The following OLA1 variants were observed in gnomAD, a reference collection of about 807,000 sequenced individuals.
The protein encoded by OLA1 is obg-like ATPase 1.
A neutral mutation model predicts 48.4 loss-of-function variants in OLA1; 14 were observed. The observed-to-expected ratio is 0.29, with a 90% confidence interval of 0.19 to 0.45. The LOEUF (loss-of-function observed/expected upper bound fraction) is 0.45. OLA1 is among the 20% of genes least tolerant of loss of function. OLA1 has a pLI of 1.00. For synonymous variants in OLA1, 127 were observed against 150.4 expected, an observed-to-expected ratio of 0.84 and a Z score of 1.14; for missense variants, 325 against 467.1, an observed-to-expected ratio of 0.70 and a Z score of 2.80.
chr2:174,155,457 C>T (rs1457068033), intron 4 of OLA1, among the ~76,000 whole-genome samples: 1 of 152,150 alleles, frequency 6.6e-6, no homozygotes, highest in Admixed American at 6.5e-5. Context: ...GAAACTAGTG[C>T]TAAGCATATC....
chr2:174,091,812 C>T (rs953427958), intron 7 of OLA1, among the ~76,000 whole-genome samples: 2 of 120,494 alleles, frequency 1.7e-5, no homozygotes, highest in Non-Finnish European at 3.2e-5. Context: ...GGTGGAGTTG[C>T]AGTGAGCGGA....
intron 4 of OLA1, among the ~76,000 whole-genome samples, chr2:174,199,907 C>T (rs1169671721): frequency 6.6e-6 from 1 of 151,768 alleles, no homozygotes; most frequent in African/African-American, 2.4e-5. Flanking sequence ...CTTTATATAC[C>T]TCAGCCAAAA....
chr2:174,105,148 A>G (rs1437485152), intron 7 of OLA1, among the ~76,000 whole-genome samples: 6 of 151,966 alleles, frequency 3.9e-5, no homozygotes, highest in Admixed American at 3.9e-4. Context: ...ACTTTATAAC[A>G]GACAAGGTTT....
At chr2:174,141,342 T>A (rs1686441635) in intron 5 of OLA1, among the ~76,000 whole-genome samples, 1 of 152,274 alleles carries the variant, frequency 6.6e-6, no homozygotes, top group Non-Finnish European at 1.5e-5. Flanking sequence ...TTCATTATAA[T>A]GTGATAGAAA....
chr2:174,081,218 A>G lies in OLA1; in HGVS notation c.900T>C (p.Phe300=). 6.2e-7 allele frequency: 1 copy of G among 1,611,258 alleles called. No individual in the cohort carries two copies. The highest frequency in any genetic ancestry group is 1.1e-5 in the South Asian group (1 of 90,978). Residue 300 remains phenylalanine, a synonymous_variant, in exon 9 of 11, where the codon TTT becomes TTC. Coordinates refer to ENST00000284719, the MANE Select transcript of OLA1 (RefSeq NM_013341.5). ...AAAAGTATTCTAGTTGGAGTGCTGC[A>G]AACCCAGCCTTAATGATCTTTGGCA... ...SALPKIIKAG[F]AALQLEYFFT...
intron 7 of OLA1, among the ~76,000 whole-genome samples, chr2:174,091,755 T>G (rs1011154403): frequency 6.6e-6 from 1 of 151,028 alleles, no homozygotes; most frequent in African/African-American, 2.4e-5. Flanking sequence ...GCACCTGTAG[T>G]CCCAGCTACT....
intron 4 of OLA1, 104 bp from the exon 5 acceptor site, chr2:174,142,104 T>C: frequency 9.9e-7 from 1 of 1,006,474 alleles, no homozygotes; most frequent in South Asian, 1.6e-5. Flanking sequence ...ATATAATAAA[T>C]AAATTACTCT....
chr2:174,170,149 C>A (rs1205314888), intron 4 of OLA1, among the ~76,000 whole-genome samples: 1 of 152,100 alleles, frequency 6.6e-6, no homozygotes, highest in Non-Finnish European at 1.5e-5. Flanking sequence ...AGGAGAATGG[C>A]GTGAACCCGG....
At position 174,151,257 on chromosome 2, in the gene OLA1, T is replaced by G. The variant is rs533066689; in HGVS notation, c.374-9257A>C. 9.8e-5 allele frequency among the ~76,000 whole-genome samples: 15 copies of G among 152,296 alleles called. No homozygotes were observed. The South Asian group carries it at 3.1e-3, about 32-fold the overall frequency. On this transcript the variant is annotated intron_variant, in intron 4 of 10. Transcript: ENST00000284719. ...CAGAAGAACGGCATTAGAATTCTGA[T>G]GGGACACATGAAAACAGGATGAACA...
intron 2 of OLA1, among the ~76,000 whole-genome samples, chr2:174,242,903 T>C (rs1294790534): frequency 6.6e-6 from 1 of 152,216 alleles, no homozygotes; most frequent in Non-Finnish European, 1.5e-5. Flanking sequence ...ATATTCTTTC[T>C]ACTTCATTAA....
chr2:174,170,599 T>C (rs974283011), intron 4 of OLA1, among the ~76,000 whole-genome samples: 2 of 152,212 alleles, frequency 1.3e-5, no homozygotes, highest in Non-Finnish European at 2.9e-5. Flanking sequence ...AAGAGATACA[T>C]TTTAATATAA....
intron 5 of OLA1, among the ~76,000 whole-genome samples, chr2:174,131,908 G>C (rs1234515079): frequency 6.6e-6 from 1 of 151,894 alleles, no homozygotes. Flanking sequence ...GGACTATTCT[G>C]ACCTCACACA....
At chr2:174,195,126 G>C (rs1443103144) in intron 4 of OLA1, among the ~76,000 whole-genome samples, 1 of 151,846 alleles carries the variant, frequency 6.6e-6, no homozygotes, top group Non-Finnish European at 1.5e-5. Context: ...ATTTCCTCAG[G>C]TAAGACATTA....
chr2:174,079,889 A>G (rs1360638518), intron 9 of OLA1, among the ~76,000 whole-genome samples: 1 of 151,988 alleles, frequency 6.6e-6, no homozygotes, highest in Non-Finnish European at 1.5e-5. Flanking sequence ...ACCTGACTAA[A>G]TATCTTAGCA....
intron 2 of OLA1, among the ~76,000 whole-genome samples, chr2:174,244,854 G>A (rs750803563): frequency 6.7e-4 from 102 of 152,062 alleles, no homozygotes; most frequent in Non-Finnish European, 1.4e-3. Context: ...CTGGTTTCAA[G>A]CTCCTGACCT....
intron 3 of OLA1, among the ~76,000 whole-genome samples, chr2:174,228,291 C>T (rs1428962135): frequency 1.3e-5 from 2 of 152,012 alleles, no homozygotes; most frequent in Non-Finnish European, 2.9e-5. Context: ...AACTGTGCTA[C>T]ATTCATATAA....
intron 4 of OLA1, among the ~76,000 whole-genome samples, chr2:174,222,326 G>C (rs1688523513): frequency 3.9e-5 from 6 of 152,076 alleles, no homozygotes; most frequent in Admixed American, 3.9e-4. Flanking sequence ...TTGAGGACCA[G>C]AAACAAATGC....
chr2:174,133,848 A>G (rs1595797), intron 5 of OLA1, among the ~76,000 whole-genome samples: 15,203 of 152,288 alleles, frequency 0.1, 1,931 homozygotes, highest in East Asian at 0.68. Context: ...TGCACTCACA[A>G]TGTTATACAA....
chr2:174,076,146 T>C (rs1684732023), intron 10 of OLA1, among the ~76,000 whole-genome samples: 1 of 152,184 alleles, frequency 6.6e-6, no homozygotes, highest in Admixed American at 6.5e-5. Flanking sequence ...CAGGTTGCAG[T>C]TGCAAAGACA....
Sources: gnomAD v4.1 joint callset for allele counts (sites outside exome capture counted in the v4.1 genomes callset) on GRCh38, gnomAD v4.1.1 for gene constraint, MANE v1.5 for transcripts, NCBI Gene and HGNC (gene_info 2026-07-23, HGNC 2026-07-21) for gene names.